The following ISCA1 variants were observed in gnomAD, a reference collection of about 807,000 sequenced individuals.
ISCA1 encodes iron-sulfur cluster assembly 1, also known as iron-sulfur cluster assembly 1 homolog, mitochondrial.
ISCA1 carries 9 observed loss-of-function variants against 14.7 expected under a neutral mutation model. That is an observed-to-expected ratio of 0.61 (90% CI 0.37 to 1.07). ISCA1 has a LOEUF of 1.07. Ranked by LOEUF, ISCA1 falls within the 50% of genes least tolerant of loss-of-function variation. The pLI is 0.01. For missense variants in ISCA1, 102 were observed against 150.1 expected (o/e 0.68, Z 1.67); for synonymous variants, 38 against 54.3 (o/e 0.70, Z 1.32).
chr9:86,269,541 A>G (rs926304268), intron 3 of ISCA1, among the ~76,000 whole-genome samples: 6 of 151,938 alleles, frequency 3.9e-5, no homozygotes, highest in African/African-American at 1.4e-4. Context: ...ATTCAATGCC[A>G]TCCCCATCAA....
chr9:86,272,315 A>G (rs1825381097), intron 2 of ISCA1, among the ~76,000 whole-genome samples: 1 of 152,184 alleles, frequency 6.6e-6, no homozygotes, highest in African/African-American at 2.4e-5. Flanking sequence ...AAGCATTGGG[A>G]TTACAAGGCA....
At chr9:86,277,969 G>A (rs529027017) in intron 1 of ISCA1, among the ~76,000 whole-genome samples, 5 of 152,246 alleles carry the variant, frequency 3.3e-5, no homozygotes, top group South Asian at 2.1e-4. Flanking sequence ...ATAGCAACAC[G>A]CTTTCTAATC....
chr9:86,280,812 C>T (rs1168765258), intron 1 of ISCA1, among the ~76,000 whole-genome samples: 1 of 151,980 alleles, frequency 6.6e-6, no homozygotes, highest in East Asian at 1.9e-4. Context: ...CCGGTGGTCC[C>T]AGCGACTTGG....
At chr9:86,270,626 A>C (rs571946532) in intron 3 of ISCA1, among the ~76,000 whole-genome samples, 2,062 of 152,208 alleles carry the variant, frequency 0.014, 23 homozygotes, top group Middle Eastern at 0.028. Context: ...TCATGCTGCT[A>C]TAAAGACACA....
At chr9:86,271,331 C>T (rs181292204) in intron 3 of ISCA1, among the ~76,000 whole-genome samples, 2 of 152,128 alleles carry the variant, frequency 1.3e-5, no homozygotes, top group East Asian at 1.9e-4. Context: ...TTTCTCAGAC[C>T]GTCTAGGTTT....
At chr9:86,269,046 G>T (rs1036669488) in intron 3 of ISCA1, among the ~76,000 whole-genome samples, 7 of 151,972 alleles carry the variant, frequency 4.6e-5, no homozygotes, top group Non-Finnish European at 1.5e-5. Context: ...CACCCACCTC[G>T]GCCTCCCAAA....
At chr9:86,269,151 A>G (rs1282868810) in intron 3 of ISCA1, among the ~76,000 whole-genome samples, 2 of 152,226 alleles carry the variant, frequency 1.3e-5, no homozygotes, top group Admixed American at 6.5e-5. Context: ...CAGTCTCCTG[A>G]GTAGCTGGGA....
chr9:86,276,468 A>G (rs1825439854), intron 1 of ISCA1, among the ~76,000 whole-genome samples: 1 of 152,170 alleles, frequency 6.6e-6, no homozygotes, highest in African/African-American at 2.4e-5. Flanking sequence ...GTAAATTTTC[A>G]CCATATTTTC....
intron 3 of ISCA1, among the ~76,000 whole-genome samples, chr9:86,269,850 T>C (rs369784699): frequency 2.6e-5 from 4 of 152,260 alleles, no homozygotes; most frequent in South Asian, 4.1e-4. Context: ...GAAAGGATTC[T>C]CTATTTAATA....
intron 1 of ISCA1, among the ~76,000 whole-genome samples, chr9:86,278,703 T>C (rs776242343): frequency 3.9e-5 from 6 of 152,158 alleles, no homozygotes; most frequent in Non-Finnish European, 1.5e-5. Context: ...ATGGCATATA[T>C]ACATAATTTT....
Position 86,265,847 on chromosome 9 carries a change from A to G in ISCA1, c.*196T>C. 1 of 915,666 alleles carries G rather than the reference A, an allele frequency of 1.1e-6. No individual in the cohort carries two copies. Among genetic ancestry groups the G allele is most frequent in the South Asian group, 1.5e-5 (1 of 66,500 alleles). 56.7% of individuals were successfully genotyped at this position (915,666 alleles called of 1,614,324 possible). The stretch of plus-strand genomic sequence containing the variant: ...GATACAAGAGACCTAAATGATCCAA[A>G]AAGAGTGATGGCTTCTCATTTTCTG... On this transcript the variant is annotated 3_prime_UTR_variant, in exon 4 of 4. Transcript: ENST00000375991.
intron 1 of ISCA1, 147 bp from the exon 2 acceptor site, chr9:86,274,389 A>C (rs1825416241): frequency 3.3e-6 from 2 of 607,094 alleles, no homozygotes; most frequent in South Asian, 2.1e-5. Flanking sequence ...TTTATATAGA[A>C]ACACATAAAC....
Position 86,282,352 on chromosome 9 carries a change from C to T in ISCA1, c.81+26G>A, listed in dbSNP as rs1177719444. On this transcript the variant is annotated intron_variant, in intron 1 of 3. Coordinates refer to ENST00000375991, the MANE Select transcript of ISCA1 (RefSeq NM_030940.4). ...GGGCGGACACGAGCAATGTCACGGG[C>T]CCCGCCGCGCGCCGCGAGCACTCAC... The T allele has an allele frequency of 2.0e-5, 30 of 1,536,226 alleles. No homozygotes were observed. The East Asian group carries it at 2.7e-4, about 14-fold the overall frequency.
intron 3 of ISCA1, among the ~76,000 whole-genome samples, chr9:86,271,420 T>C (rs958779005): frequency 6.6e-6 from 1 of 152,242 alleles, no homozygotes; most frequent in Non-Finnish European, 1.5e-5. Flanking sequence ...TGTATGACTG[T>C]ATCTGCATTA....
At chr9:86,276,870 CAAAAAAAAAAAAAAA>C (rs35460722) in intron 1 of ISCA1, among the ~76,000 whole-genome samples, 1 of 39,910 alleles carries the variant, frequency 2.5e-5, no homozygotes, top group Non-Finnish European at 4.4e-5. Context: ...GACTCTGTCT[CAAAAAAAAAAAAAAA>C]AAAAAAAAAA....
Position 86,276,271 on chromosome 9 carries a change from C to T in ISCA1, c.82-2029G>A, listed in dbSNP as rs556908316. Among the ~76,000 whole-genome samples, 108 of 151,914 alleles carry T rather than the reference C, an allele frequency of 7.1e-4. 1 individual carries two copies. The highest frequency in any genetic ancestry group is 2.2e-3 in the African/African-American group (93 of 41,428). Reference sequence around the variant, plus strand: ...TTGTGCTCCTATGAGAATCTAATGCCCCTGATGATCTGACAGGAGGTGGAG... The same window carrying T: ...TTGTGCTCCTATGAGAATCTAATGCTCCTGATGATCTGACAGGAGGTGGAG... On this transcript the variant is annotated intron_variant, in intron 1 of 3. Coordinates refer to ENST00000375991, the MANE Select transcript of ISCA1 (RefSeq NM_030940.4).
In ISCA1 at chr9:86,266,183, C is replaced by G; in HGVS notation, c.250G>C (p.Val84Leu). The G allele has an allele frequency of 1.2e-6, 2 of 1,604,768 alleles. No individual in the cohort carries two copies. Among genetic ancestry groups the G allele is most frequent in the Non-Finnish European group, 1.7e-6 (2 of 1,176,828 alleles). The change falls in exon 4 of 4, where the codon GTA becomes CTA. Residue 84 changes from valine (V) to leucine (L), a missense_variant. Transcript: ENST00000375991. The stretch of plus-strand genomic sequence containing the variant: ...AGCTGTGCTTTCTTTTCGATGAATA[C>G]TCTGACTCCTTGGAGAAAAGAAAAC... ...DEEVIQDGVR[V>L]FIEKKAQLTL...
chr9:86,267,376 T>C, intron 3 of ISCA1: 1 of 856,994 alleles, frequency 1.2e-6, no homozygotes, highest in Non-Finnish European at 1.4e-6. Flanking sequence ...TTTAAAATAA[T>C]ACATTTTTAA....
chr9:86,277,025 C>G (rs909441961), intron 1 of ISCA1, among the ~76,000 whole-genome samples: 7 of 152,274 alleles, frequency 4.6e-5, no homozygotes, highest in African/African-American at 1.7e-4. Flanking sequence ...GTCTGTCACA[C>G]TACTCCGTTT....
Sources: gnomAD v4.1 joint callset for allele counts (sites outside exome capture counted in the v4.1 genomes callset) on GRCh38, gnomAD v4.1.1 for gene constraint, MANE v1.5 for transcripts, NCBI Gene and HGNC (gene_info 2026-07-23, HGNC 2026-07-21) for gene names.